The following ADORA1 variants were observed in gnomAD, a reference collection of about 807,000 sequenced individuals.
ADORA1 encodes the protein adenosine A1 receptor, also known as adenosine receptor A1.
In ADORA1, 6 loss-of-function variants were observed where a neutral mutation model predicts 19.9. The observed-to-expected ratio is 0.30, with a 90% CI of 0.17 to 0.59. The LOEUF is 0.59. Ranked by LOEUF, ADORA1 falls within the 20% of genes least tolerant of loss-of-function variation. ADORA1 has a pLI of 0.87. For missense variants in ADORA1, 302 were observed against 439.2 expected (o/e 0.69, Z 2.79); for synonymous variants, 194 against 188.4 (o/e 1.03, Z -0.24).
intron 3 of ADORA1, among the ~76,000 whole-genome samples, chr1:203,139,426 G>A (rs1340383797): frequency 6.6e-6 from 1 of 152,176 alleles, no homozygotes; most frequent in Non-Finnish European, 1.5e-5. Flanking sequence ...AGTAAGAGGT[G>A]GTGGAGAGAG....
At chr1:203,143,856 C>T (rs952171345) in intron 3 of ADORA1, among the ~76,000 whole-genome samples, 1 of 152,190 alleles carries the variant, frequency 6.6e-6, no homozygotes, top group African/African-American at 2.4e-5. Flanking sequence ...AGTGTGGAGA[C>T]AGACACGTTT....
At chr1:203,148,194 C>T (rs1654923033) in intron 3 of ADORA1, among the ~76,000 whole-genome samples, 1 of 152,184 alleles carries the variant, frequency 6.6e-6, no homozygotes, top group Non-Finnish European at 1.5e-5. Context: ...GCACTCAAGC[C>T]TGGGTGACAA....
chr1:203,131,694 G>A (rs1654336388), intron 3 of ADORA1, among the ~76,000 whole-genome samples: 1 of 152,154 alleles, frequency 6.6e-6, no homozygotes, highest in Admixed American at 6.5e-5. Context: ...AAAGGCTGCT[G>A]GGGCCTCACT....
At position 203,166,161 on chromosome 1, in the gene ADORA1, G is replaced by T; in HGVS notation, c.*261G>T. On this transcript the variant is annotated 3_prime_UTR_variant, in exon 4 of 4. Transcript: ENST00000337894. ...GTGTCTAGAGGCAACAGTGTTCTGA[G>T]CCCCCACCTGCCTGACCATCCCATG... 2.6e-6 allele frequency: 1 copy of T among 378,724 alleles called. No homozygotes were observed. The highest frequency in any genetic ancestry group is 4.6e-6 in the Non-Finnish European group (1 of 215,148). 23.5% of individuals were successfully genotyped at this position (378,724 alleles called of 1,614,324 possible).
chr1:203,162,219 A>C (rs1655395575), intron 3 of ADORA1, among the ~76,000 whole-genome samples: 1 of 152,180 alleles, frequency 6.6e-6, no homozygotes, highest in Admixed American at 6.5e-5. Flanking sequence ...CACCTCAGCC[A>C]AGGTCTTGGG....
chr1:203,141,760 T>TCCC (rs1170489122), intron 3 of ADORA1, among the ~76,000 whole-genome samples: 14 of 151,976 alleles, frequency 9.2e-5, no homozygotes, highest in Non-Finnish European at 2.1e-4. Flanking sequence ...CTTTTCTATT[T>TCCC]TTAGTAGAGA....
chr1:203,128,749 C>T lies in ADORA1; in HGVS notation c.-57-36C>T. On this transcript the variant is annotated intron_variant, in intron 2 of 3. Coordinates refer to ENST00000337894, the MANE Select transcript of ADORA1 (RefSeq NM_000674.3). The surrounding 1 kb of genome is among the most constrained non-coding windows in gnomAD (Gnocchi z 5.9). ...GCCTGAGCTCCCTGCCCCTCCCAGA[C>T]GGGTCTCCCCATCCCAGGCTTCCCT... 6.6e-7 allele frequency: 1 copy of T among 1,510,852 alleles called. No homozygotes were observed. The highest frequency in any genetic ancestry group is 8.8e-7 in the Non-Finnish European group (1 of 1,137,444). 93.6% of individuals were successfully genotyped at this position (1,510,852 alleles called of 1,614,324 possible). A position where few individuals can be genotyped will look rare whatever the true frequency, so the allele number is the denominator to read the frequency against.
rs1655488981 is a variant in ADORA1, at chr1:203,164,932, G to A, written c.342-329G>A. 6.9e-6 allele frequency: 7 copies of A among 1,010,334 alleles called. 1 individual carries two copies. The South Asian group carries it at 1.1e-4, about 16-fold the overall frequency. The allele number at this position is 1,010,334 out of a possible 1,614,324, so 62.6% of individuals were successfully genotyped here. ...ATGAAGCAATGATGAGATAACCAGT[G>A]GGGGCATGCTGAGCACATGGGAGCA... On this transcript the variant is annotated intron_variant, in intron 3 of 3. Transcript: ENST00000337894.
intron 3 of ADORA1, among the ~76,000 whole-genome samples, chr1:203,141,570 G>T (rs1198608846): frequency 8.0e-6 from 1 of 124,728 alleles, no homozygotes; most frequent in Non-Finnish European, 1.7e-5. Flanking sequence ...CCTCTAACCT[G>T]GATTTTTTTT....
In ADORA1 at chr1:203,166,872, C is replaced by G. The variant is rs201661675; in HGVS notation, c.*972C>G. ...CGGGAGCATTCTGCCTGCCTGGGAA[C>G]GGGGTGGACGAGGGAGTGTCTGTAA... is the stretch of plus-strand genomic sequence containing the variant. On this transcript the variant is annotated 3_prime_UTR_variant, in exon 4 of 4. Coordinates refer to ENST00000337894, the MANE Select transcript of ADORA1 (RefSeq NM_000674.3). 6.5e-6 allele frequency: 1 copy of G among 152,974 alleles called. No individual in the cohort carries two copies. The highest frequency in any genetic ancestry group is 2.4e-5 in the African/African-American group (1 of 41,476). 9.5% of individuals were successfully genotyped at this position (152,974 alleles called of 1,614,324 possible).
At chr1:203,155,446 A>G (rs1655170956) in intron 3 of ADORA1, among the ~76,000 whole-genome samples, 1 of 151,954 alleles carries the variant, frequency 6.6e-6, no homozygotes, top group Non-Finnish European at 1.5e-5. Flanking sequence ...GGTGTAGACA[A>G]GGAGAGGCCA....
chr1:203,132,738 T>A (rs1170050478), intron 3 of ADORA1, among the ~76,000 whole-genome samples: 1 of 152,150 alleles, frequency 6.6e-6, no homozygotes, highest in African/African-American at 2.4e-5. Flanking sequence ...TCCCAGCTAC[T>A]TGGGAGGCTG....
At chr1:203,130,655 A>T (rs1018374637) in intron 3 of ADORA1, among the ~76,000 whole-genome samples, 1 of 152,256 alleles carries the variant, frequency 6.6e-6, no homozygotes, top group Admixed American at 6.5e-5. Context: ...GAGCCTGGCC[A>T]TTATAACGAA....
chr1:203,165,167 C>G lies in ADORA1; in HGVS notation c.342-94C>G, dbSNP rs766014552. 2.0e-5 allele frequency: 32 copies of G among 1,591,936 alleles called. No homozygotes were observed. The East Asian group carries it at 2.8e-4, about 14-fold the overall frequency. On this transcript the variant is annotated intron_variant, in intron 3 of 3. Transcript: ENST00000337894. This position sits in a 1 kb window ranked among gnomAD's most constrained non-coding sequence, Gnocchi z 5.9. ...CGGGCCCTGGAAGAGGAGGGTGCTC[C>G]TCTTAGAGGCCCCTGGAGGCCAGGC... is the stretch of plus-strand genomic sequence containing the variant.
intron 3 of ADORA1, among the ~76,000 whole-genome samples, chr1:203,155,604 T>G (rs1655175780): frequency 6.6e-6 from 1 of 152,218 alleles, no homozygotes; most frequent in African/African-American, 2.4e-5. Context: ...TTTTCTGGGA[T>G]GCAGGCTAAG....
chr1:203,165,382 G>A lies in ADORA1; in HGVS notation c.463G>A (p.Ala155Thr). The A allele has an allele frequency of 3.1e-6, 5 of 1,604,922 alleles. No individual in the cohort carries two copies. The highest frequency in any genetic ancestry group is 4.3e-6 in the Non-Finnish European group (5 of 1,175,490). The change falls in exon 4 of 4, where the codon GCC (alanine) becomes ACC (threonine). Residue 155 changes from alanine (A) to threonine (T), a missense_variant. Transcript: ENST00000337894. This position sits in a 1 kb window ranked among gnomAD's most constrained non-coding sequence, Gnocchi z 5.9. ...GAACAATCTGAGTGCGGTGGAGCGG[G>A]CCTGGGCAGCCAACGGCAGCATGGG... The part of the protein sequence containing the change: ...GWNNLSAVER[A>T]WAANGSMGEP...
In ADORA1 at chr1:203,128,888, A is replaced by G; in HGVS notation, c.47A>G (p.Glu16Gly). 6.2e-7 allele frequency: 1 copy of G among 1,612,234 alleles called. No homozygotes were observed. Among genetic ancestry groups the G allele is most frequent in the Non-Finnish European group, 8.5e-7 (1 of 1,179,718 alleles). The change falls in exon 3 of 4, where the codon GAG becomes GGG. Residue 16 changes from glutamate (E) to glycine (G), a missense_variant. By Grantham distance (98) the Glu-to-Gly change is moderately conservative. Coordinates refer to ENST00000337894, the MANE Select transcript of ADORA1 (RefSeq NM_000674.3). This position sits in a 1 kb window ranked among gnomAD's most constrained non-coding sequence, Gnocchi z 5.9. ...TTCCAGGCCGCCTACATCGGCATCG[A>G]GGTGCTCATCGCCCTGGTCTCTGTG... ...SAFQAAYIGI[E>G]VLIALVSVPG...
intron 3 of ADORA1, among the ~76,000 whole-genome samples, chr1:203,154,542 G>A (rs1655134632): frequency 6.6e-6 from 1 of 152,204 alleles, no homozygotes. Context: ...CCCAGGGGCT[G>A]CAGTTGGCTG....
intron 3 of ADORA1, among the ~76,000 whole-genome samples, chr1:203,148,690 G>A (rs986034298): frequency 1.3e-5 from 2 of 152,158 alleles, no homozygotes; most frequent in Non-Finnish European, 2.9e-5. Context: ...GAGGCCCTGG[G>A]GTTGGACCTT....
Sources: allele counts gnomAD v4.1 joint callset (sites outside exome capture counted in the v4.1 genomes callset), GRCh38; gene constraint gnomAD v4.1.1; non-coding constraint Gnocchi (gnomAD v3.1); transcripts MANE v1.5; gene names NCBI Gene and HGNC (gene_info 2026-07-23, HGNC 2026-07-21).